Variants in CDS2 observed in about 807,000 individuals in gnomAD.
CDS2 encodes CDP-diacylglycerol synthase 2.
A neutral mutation model predicts 59.0 loss-of-function variants in CDS2; 47 were observed. The ratio of observed to expected loss-of-function variants is 0.80; its 90% confidence interval spans 0.63 to 1.02. The LOEUF (loss-of-function observed/expected upper bound fraction) is 1.02, where lower values mean the gene tolerates loss of function less well. Ranked by LOEUF, CDS2 falls within the 50% of genes least tolerant of loss-of-function variation. CDS2 has a pLI of 0.00. For synonymous variants in CDS2, 207 were observed against 206.4 expected (o/e 1.00, Z -0.02); for missense variants, 356 against 558.9 (o/e 0.64, Z 3.66).
intron 1 of CDS2, among the ~76,000 whole-genome samples, chr20:5,133,511 G>T (rs901009967): frequency 3.3e-5 from 5 of 151,730 alleles, no homozygotes; most frequent in South Asian, 2.1e-4. Context: ...AGAATGGTTC[G>T]TATTATGAAG....
chr20:5,157,639 T>C (rs780841093), intron 1 of CDS2, among the ~76,000 whole-genome samples: 1 of 152,198 alleles, frequency 6.6e-6, no homozygotes, highest in Non-Finnish European at 1.5e-5. Flanking sequence ...AGATTGAGTG[T>C]CTGGTAAGGA....
intron 1 of CDS2, among the ~76,000 whole-genome samples, chr20:5,141,204 A>G (rs946688977): frequency 3.9e-5 from 6 of 152,214 alleles, no homozygotes; most frequent in African/African-American, 7.2e-5. Context: ...TCAAAACCCT[A>G]TATCCTGGAG....
chr20:5,193,172 A>G lies in CDS2; in HGVS notation c.*2938A>G, dbSNP rs1310629276. On this transcript the variant is annotated 3_prime_UTR_variant, in exon 13 of 13. Transcript: ENST00000460006. ...GAGTCTTTGCCTTTTGTGTGTGCGC[A>G]TGCTGCCCTCTTAACTGCTTTTAGT... The G allele has an allele frequency of 2.6e-5, 4 of 152,230 alleles. No homozygotes were observed. The highest frequency in any genetic ancestry group is 2.1e-4 in the South Asian group (1 of 4,836). 9.4% of individuals were successfully genotyped at this position (152,230 alleles called of 1,614,324 possible). A position where few individuals can be genotyped will look rare whatever the true frequency, so the allele number is the denominator to read the frequency against.
At chr20:5,129,102 A>G (rs2090581341) in intron 1 of CDS2, among the ~76,000 whole-genome samples, 1 of 152,118 alleles carries the variant, frequency 6.6e-6, no homozygotes, top group Non-Finnish European at 1.5e-5. Flanking sequence ...TATCACTTAT[A>G]CAGTGACAGA....
At chr20:5,160,631 T>G (rs1837894569) in intron 1 of CDS2, among the ~76,000 whole-genome samples, 1 of 152,222 alleles carries the variant, frequency 6.6e-6, no homozygotes, top group African/African-American at 2.4e-5. Flanking sequence ...TAACATTGTT[T>G]TGCAACTGTC....
At chr20:5,145,822 GTT>G (rs11470811) in intron 1 of CDS2, among the ~76,000 whole-genome samples, 42,455 of 129,198 alleles carry the variant, frequency 0.33, 6,405 homozygotes, top group South Asian at 0.4. Context: ...TGCTTTTTGT[GTT>G]TTTTTTTTTT....
At chr20:5,183,767 G>A (rs1338029971) in intron 7 of CDS2, among the ~76,000 whole-genome samples, 1 of 152,206 alleles carries the variant, frequency 6.6e-6, no homozygotes, top group Non-Finnish European at 1.5e-5. Flanking sequence ...GGAATAATAT[G>A]CAAATACCGA....
At chr20:5,146,507 C>T (rs1483060599) in intron 1 of CDS2, among the ~76,000 whole-genome samples, 2 of 152,194 alleles carry the variant, frequency 1.3e-5, no homozygotes, top group African/African-American at 4.8e-5. Flanking sequence ...TTGTGTGCTT[C>T]CCACGGTGGC....
chr20:5,175,640 G>A (rs925987137), intron 3 of CDS2: 4 of 188,314 alleles, frequency 2.1e-5, no homozygotes, highest in African/African-American at 9.6e-5. Flanking sequence ...ACAAAAATTA[G>A]CCACGCGTGG....
At chr20:5,169,517 T>C (rs2090939332) in intron 1 of CDS2, among the ~76,000 whole-genome samples, 1 of 152,220 alleles carries the variant, frequency 6.6e-6, no homozygotes, top group Non-Finnish European at 1.5e-5. Context: ...GGGCACCTGC[T>C]ATGTTCCAGG....
intron 1 of CDS2, among the ~76,000 whole-genome samples, chr20:5,141,159 G>A (rs2090690280): frequency 6.6e-6 from 1 of 152,118 alleles, no homozygotes; most frequent in Admixed American, 6.5e-5. Context: ...AAAATTATCT[G>A]GCTTTCCTTG....
intron 11 of CDS2, among the ~76,000 whole-genome samples, 181 bp downstream of exon 11, chr20:5,189,367 C>T (rs543308066): frequency 6.6e-6 from 1 of 152,010 alleles, no homozygotes; most frequent in Non-Finnish European, 1.5e-5. Flanking sequence ...AAAATGCAAT[C>T]GTTGTTTTTC....
rs79695595 is a variant in CDS2 at position 5,177,212 on chromosome 20, G to A, written c.389+467G>A. ...TCTAGATCAGTATATTTTTCATGCCGTCATATCTCAGCATCCCACTAGAGT... is the reference window on the plus strand; with the variant it reads ...TCTAGATCAGTATATTTTTCATGCCATCATATCTCAGCATCCCACTAGAGT... On this transcript the variant is annotated intron_variant, in intron 4 of 12. Transcript: ENST00000460006. Among the ~76,000 whole-genome samples the A allele has an allele frequency of 1.1e-4, 17 of 152,148 alleles. No homozygotes were observed. In the East Asian group the frequency reaches 2.5e-3, roughly 23 times the overall value.
At chr20:5,186,509 CTT>C (rs796198951) in intron 9 of CDS2, among the ~76,000 whole-genome samples, 176 bp from the exon 10 acceptor site, 10 of 143,918 alleles carry the variant, frequency 6.9e-5, no homozygotes, top group Non-Finnish European at 9.2e-5. Context: ...TCATGAGCCT[CTT>C]TTTTTTTTTT....
intron 2 of CDS2, 44 bp downstream of exon 2, chr20:5,173,703 C>A (rs1012072039): frequency 6.2e-7 from 1 of 1,608,976 alleles, no homozygotes; most frequent in African/African-American, 1.3e-5. Context: ...GGGCTTTGCA[C>A]CATGTCCAAG....
intron 1 of CDS2, among the ~76,000 whole-genome samples, chr20:5,143,770 T>C (rs1464891937): frequency 1.4e-4 from 20 of 146,350 alleles, no homozygotes; most frequent in Admixed American, 4.0e-4. Flanking sequence ...TCTTCTTCTT[T>C]TTTTTTTTTT....
At chr20:5,188,070 G>GTGTA (rs2091083419) in intron 10 of CDS2, among the ~76,000 whole-genome samples, 1 of 151,922 alleles carries the variant, frequency 6.6e-6, no homozygotes, top group Non-Finnish European at 1.5e-5. Flanking sequence ...GTGTGTGTGT[G>GTGTA]TGTGTGTGTG....
In CDS2 at chr20:5,193,964, T is replaced by C. The variant is rs1418178976; in HGVS notation, c.*3730T>C. 2 of 152,216 alleles carry C rather than the reference T, an allele frequency of 1.3e-5. No homozygotes were observed. Among genetic ancestry groups the C allele is most frequent in the African/African-American group, 4.8e-5 (2 of 41,448 alleles). The allele number at this position is 152,216 out of a possible 1,614,324, so 9.4% of individuals were successfully genotyped here. ...GAAAAGGGTGGAGTTGGGAGGACAA[T>C]TTCACTTGAACAGGTTTCTGTTCTT... On this transcript the variant is annotated 3_prime_UTR_variant, in exon 13 of 13. Coordinates refer to ENST00000460006, the MANE Select transcript of CDS2 (RefSeq NM_003818.4).
At chr20:5,159,047 A>G (rs529967000) in intron 1 of CDS2, among the ~76,000 whole-genome samples, 1 of 152,304 alleles carries the variant, frequency 6.6e-6, no homozygotes, top group South Asian at 2.1e-4. Context: ...CCGCTTTGAA[A>G]ATCAGATTGA....
Sources: gnomAD v4.1 joint callset for allele counts (sites outside exome capture counted in the v4.1 genomes callset) on GRCh38, gnomAD v4.1.1 for gene constraint, MANE v1.5 for transcripts, NCBI Gene and HGNC (gene_info 2026-07-23, HGNC 2026-07-21) for gene names.